CNTN4: variants seen among roughly 807,000 people sequenced by gnomAD.
CNTN4 encodes the protein contactin-4.
In CNTN4, 77 loss-of-function variants were observed where a neutral mutation model predicts 122.5. The ratio of observed to expected loss-of-function variants is 0.63; its 90% CI spans 0.52 to 0.76. The LOEUF (loss-of-function observed/expected upper bound fraction) is 0.76, where lower values mean the gene tolerates loss of function less well. CNTN4 is among the 30% of genes least tolerant of loss of function. The probability of loss-of-function intolerance (pLI) is 0.00; values close to 1 mark genes in which losing one functional copy is unlikely to be tolerated. For missense variants in CNTN4, 1,256 were observed against 1,259.1 expected, an observed-to-expected ratio of 1.00 and a Z score of 0.04; for synonymous variants, 512 against 447.0, an observed-to-expected ratio of 1.15 and a Z score of -1.83.
intron 2 of CNTN4, among the ~76,000 whole-genome samples, chr3:2,328,677 A>G (rs998256564): frequency 2.0e-5 from 3 of 152,096 alleles, no homozygotes; most frequent in Non-Finnish European, 2.9e-5. Context: ...AAAAAAAACA[A>G]TAAAAAATAA....
chr3:2,306,805 G>T (rs1038481855), intron 2 of CNTN4, among the ~76,000 whole-genome samples: 2 of 151,854 alleles, frequency 1.3e-5, no homozygotes, highest in African/African-American at 2.4e-5. Context: ...CAATGATGTT[G>T]TCTAGTTTTC....
intron 6 of CNTN4, among the ~76,000 whole-genome samples, chr3:2,760,803 C>T (rs1479953543): frequency 6.6e-6 from 1 of 152,142 alleles, no homozygotes; most frequent in Non-Finnish European, 1.5e-5. Context: ...ACAATCTAAT[C>T]CACTGTTTCC....
chr3:3,018,215 A>G (rs1284575890), intron 14 of CNTN4, among the ~76,000 whole-genome samples: 12 of 152,222 alleles, frequency 7.9e-5, no homozygotes, highest in African/African-American at 2.9e-4. Context: ...TATTTTATGA[A>G]AGTATTAATT....
intron 3 of CNTN4, among the ~76,000 whole-genome samples, chr3:2,376,007 A>G (rs1413911273): frequency 2.0e-5 from 3 of 152,104 alleles, no homozygotes; most frequent in Non-Finnish European, 4.4e-5. Flanking sequence ...TTTGCCATTT[A>G]TTGAAGCATA....
intron 2 of CNTN4, among the ~76,000 whole-genome samples, chr3:2,217,775 A>G (rs966941255): frequency 6.6e-6 from 1 of 152,214 alleles, no homozygotes; most frequent in African/African-American, 2.4e-5. Flanking sequence ...ATGCAAAAAG[A>G]GAATCATAGA....
chr3:2,640,898 A>G (rs1256986971), intron 4 of CNTN4, among the ~76,000 whole-genome samples: 1 of 152,172 alleles, frequency 6.6e-6, no homozygotes. Flanking sequence ...TTGTCAGGTC[A>G]CTTTTCTCTC....
chr3:2,099,768 G>A (rs1360831361), intron 1 of CNTN4: 1 of 152,266 alleles, frequency 6.6e-6, no homozygotes, highest in East Asian at 1.9e-4. Context: ...TCCCCTCCCC[G>A]GGCCCAGACG....
chr3:3,028,498 A>G (rs1698916029), intron 15 of CNTN4, among the ~76,000 whole-genome samples: 1 of 152,140 alleles, frequency 6.6e-6, no homozygotes, highest in South Asian at 2.1e-4. Flanking sequence ...GCAAAATCAA[A>G]ATTTTCTATT....
intron 6 of CNTN4, among the ~76,000 whole-genome samples, chr3:2,813,078 G>A (rs1354027237): frequency 6.6e-6 from 1 of 152,096 alleles, no homozygotes; most frequent in Admixed American, 6.5e-5. Flanking sequence ...CTTCAATCCA[G>A]GAAACCATAA....
chr3:2,978,855 G>C (rs958847144), intron 13 of CNTN4, among the ~76,000 whole-genome samples: 11 of 152,160 alleles, frequency 7.2e-5, no homozygotes, highest in Non-Finnish European at 1.3e-4. Context: ...GTTTGCTTAA[G>C]CTGAGAAGTA....
intron 2 of CNTN4, among the ~76,000 whole-genome samples, chr3:2,325,165 G>T (rs1409086312): frequency 6.6e-6 from 1 of 152,160 alleles, no homozygotes; most frequent in East Asian, 1.9e-4. Flanking sequence ...CAGAGGCTGC[G>T]TGACATTTGA....
At chr3:2,103,563 C>T (rs1428801431) in intron 2 of CNTN4, among the ~76,000 whole-genome samples, 1 of 152,212 alleles carries the variant, frequency 6.6e-6, no homozygotes, top group Admixed American at 6.5e-5. Flanking sequence ...TTCCTCTTCA[C>T]TTCTCAGCAG....
chr3:2,320,699 A>T (rs1575365425), intron 2 of CNTN4, among the ~76,000 whole-genome samples: 2 of 152,162 alleles, frequency 1.3e-5, no homozygotes, highest in African/African-American at 2.4e-5. Flanking sequence ...TCCCGAAGCA[A>T]ATATCAATGT....
chr3:2,420,276 C>A (rs1178422061), intron 3 of CNTN4, among the ~76,000 whole-genome samples: 2 of 151,998 alleles, frequency 1.3e-5, no homozygotes, highest in Non-Finnish European at 2.9e-5. Flanking sequence ...GAAAGAAAAC[C>A]CTCTAGGAAT....
In CNTN4 at chr3:2,969,867, C is replaced by T. The variant is rs115779446; in HGVS notation, c.1359-18478C>T. Among the ~76,000 whole-genome samples, 524 of 152,142 alleles carry T rather than the reference C, an allele frequency of 3.4e-3. 8 individuals carry two copies. The highest frequency in any genetic ancestry group is 0.012 in the African/African-American group (490 of 41,496). On this transcript the variant is annotated intron_variant, in intron 13 of 24. Coordinates refer to ENST00000418658, the MANE Select transcript of CNTN4 (RefSeq NM_175607.3). ...ACATGGGAGCATGATGGTCAGAGAG[C>T]GGCTGGATGTGTGTCAGAACTCAAA...
intron 4 of CNTN4, among the ~76,000 whole-genome samples, chr3:2,641,322 G>C (rs1488217294): frequency 6.6e-6 from 1 of 152,050 alleles, no homozygotes; most frequent in South Asian, 2.1e-4. Flanking sequence ...TGTACATTCT[G>C]TTGAAACTTC....
At chr3:2,290,305 G>T (rs1028694957) in intron 2 of CNTN4, among the ~76,000 whole-genome samples, 2 of 152,178 alleles carry the variant, frequency 1.3e-5, no homozygotes, top group East Asian at 1.9e-4. Flanking sequence ...GAAATATCCA[G>T]AGTGATTATG....
intron 3 of CNTN4, among the ~76,000 whole-genome samples, chr3:2,384,948 A>G (rs9854419): frequency 0.42 from 63,098 of 151,838 alleles, 14,474 homozygotes; most frequent in African/African-American, 0.6. Flanking sequence ...CCCCTTCTAC[A>G]GTGGTTGACG....
At chr3:2,754,155 A>T (rs927565759) in intron 6 of CNTN4, among the ~76,000 whole-genome samples, 17 of 152,178 alleles carry the variant, frequency 1.1e-4, no homozygotes, top group Non-Finnish European at 1.5e-5. Flanking sequence ...GTAGATTATT[A>T]TGAAGAGCTT....
Sources: gnomAD v4.1 joint callset for allele counts (sites outside exome capture counted in the v4.1 genomes callset) on GRCh38, gnomAD v4.1.1 for gene constraint, MANE v1.5 for transcripts, NCBI Gene and HGNC (gene_info 2026-07-23, HGNC 2026-07-21) for gene names.